The following HOOK3 variants were observed in gnomAD, a reference collection of about 807,000 sequenced individuals.
HOOK3 encodes hook microtubule tethering protein 3.
A neutral mutation model predicts 116.3 loss-of-function variants in HOOK3; 24 were observed. The ratio of observed to expected loss-of-function variants is 0.21; its 90% confidence interval spans 0.15 to 0.29. HOOK3 has a LOEUF of 0.29. Ranked by LOEUF, HOOK3 falls within the 10% of genes least tolerant of loss-of-function variation. The probability of loss-of-function intolerance (pLI) is 1.00; values close to 1 mark genes in which losing one functional copy is unlikely to be tolerated. For missense variants in HOOK3, 632 were observed against 830.2 expected (o/e 0.76, Z 2.93); for synonymous variants, 275 against 283.0 (o/e 0.97, Z 0.28).
intron 21 of HOOK3, 46 bp downstream of exon 21, chr8:43,013,446 T>TAATAA: frequency 7.1e-7 from 1 of 1,415,636 alleles, no homozygotes; most frequent in Non-Finnish European, 9.6e-7. Flanking sequence ...TCAATGAATA[T>TAATAA]GTAATACTTA....
At chr8:43,005,562 A>G (rs991976983) in intron 17 of HOOK3, among the ~76,000 whole-genome samples, 9 of 151,482 alleles carry the variant, frequency 5.9e-5, no homozygotes, top group South Asian at 4.2e-4. Flanking sequence ...AGACAATAAA[A>G]CCATCATGAA....
At chr8:42,903,905 G>A (rs1184625116) in intron 1 of HOOK3, among the ~76,000 whole-genome samples, 2 of 151,844 alleles carry the variant, frequency 1.3e-5, no homozygotes, top group African/African-American at 4.8e-5. Context: ...GCAGTGAGCC[G>A]ATATCGCGCC....
intron 10 of HOOK3, among the ~76,000 whole-genome samples, chr8:42,967,675 AC>A (rs1036742707): frequency 6.6e-5 from 10 of 151,258 alleles, no homozygotes; most frequent in African/African-American, 2.4e-4. Flanking sequence ...TCTCTCCTCA[AC>A]CCCACTATCT....
rs1341100181 is a variant in HOOK3, at chr8:42,938,914, G to C, written c.268-4399G>C. ...GTACTTGAGATTAGCGAGTGGTGATGACTCTTAACGAGCATGCTGCCTTCA... is the reference window on the plus strand; with the variant it reads ...GTACTTGAGATTAGCGAGTGGTGATCACTCTTAACGAGCATGCTGCCTTCA... On this transcript the variant is annotated intron_variant, in intron 4 of 21. Transcript: ENST00000307602. Among the ~76,000 whole-genome samples, 7 of 152,062 alleles carry C rather than the reference G, an allele frequency of 4.6e-5. No homozygotes were observed. In the East Asian group the frequency reaches 1.4e-3, roughly 29 times the overall value.
intron 11 of HOOK3, 49 bp downstream of exon 11, chr8:42,968,263 TATGA>T: frequency 7.6e-7 from 1 of 1,321,786 alleles, no homozygotes; most frequent in East Asian, 2.3e-5. Flanking sequence ...AGCTCTCAGT[TATGA>T]CATGTAGCTT....
At chr8:43,014,758 C>T (rs1213107580) in intron 21 of HOOK3, among the ~76,000 whole-genome samples, 1 of 152,136 alleles carries the variant, frequency 6.6e-6, no homozygotes, top group Admixed American at 6.5e-5. Flanking sequence ...AGGTTAGTGT[C>T]CCTGGCCTCT....
At chr8:42,954,506 A>G (rs1808400311) in intron 6 of HOOK3, among the ~76,000 whole-genome samples, 1 of 152,252 alleles carries the variant, frequency 6.6e-6, no homozygotes, top group South Asian at 2.1e-4. Flanking sequence ...GGAATATTAC[A>G]TAGTTGATAA....
intron 16 of HOOK3, chr8:43,000,267 C>T (rs1296843743): frequency 7.8e-7 from 1 of 1,286,394 alleles, no homozygotes; most frequent in African/African-American, 1.5e-5. Context: ...GGTTTCTGCT[C>T]AAGGCTATTG....
chr8:42,902,357 G>A (rs1027686568), intron 1 of HOOK3, among the ~76,000 whole-genome samples: 5 of 150,254 alleles, frequency 3.3e-5, no homozygotes, highest in African/African-American at 4.9e-5. Context: ...CTGCAGTCCC[G>A]ACCCCCCAGG....
rs1214091279 is a variant in HOOK3, at chr8:43,010,480, G to GAC, written c.1839+78_1839+79dup. On this transcript the variant is annotated intron_variant, in intron 19 of 21. Transcript: ENST00000307602. ...AGTGAAGTCTCAAATATAATGGACG[G>GAC]ACACTACAGCAACTTCTTAATGCAG... 8 of 406,288 alleles carry GAC rather than the reference G, an allele frequency of 2.0e-5. No homozygotes were observed. The Admixed American group carries it at 3.8e-4, about 19-fold the overall frequency. The allele number at this position is 406,288 out of a possible 1,614,324, so 25.2% of individuals were successfully genotyped here.
chr8:43,009,430 A>T (rs1809560910), intron 18 of HOOK3, among the ~76,000 whole-genome samples: 4 of 152,000 alleles, frequency 2.6e-5, no homozygotes. Flanking sequence ...CTATTTACAT[A>T]TAGGGAGTAT....
intron 1 of HOOK3, among the ~76,000 whole-genome samples, chr8:42,898,801 G>C: frequency 6.6e-6 from 1 of 152,272 alleles, no homozygotes; most frequent in Middle Eastern, 3.4e-3. Flanking sequence ...TGAAAATACC[G>C]TAAGTTGAAA....
intron 4 of HOOK3, among the ~76,000 whole-genome samples, chr8:42,939,444 G>C (rs1274193555): frequency 6.7e-6 from 1 of 148,382 alleles, no homozygotes; most frequent in African/African-American, 2.5e-5. Context: ...CGGGCAGAGG[G>C]GCTCCTCACT....
chr8:43,016,175 T>A (rs1809712310), intron 21 of HOOK3, among the ~76,000 whole-genome samples: 1 of 151,052 alleles, frequency 6.6e-6, no homozygotes, highest in South Asian at 2.1e-4. Flanking sequence ...TGGAGTGCAG[T>A]GGCACGATCT....
intron 6 of HOOK3, among the ~76,000 whole-genome samples, chr8:42,955,590 G>A (rs1001957493): frequency 4.6e-5 from 7 of 152,164 alleles, no homozygotes; most frequent in Non-Finnish European, 1.5e-5. Context: ...GACAATGTTA[G>A]CAGAAGAAAC....
rs1381050381 is a variant in HOOK3 at position 43,018,379 on chromosome 8, G to A, written c.2038G>A (p.Ala680Thr). 3 of 1,601,052 alleles carry A rather than the reference G, an allele frequency of 1.9e-6. No homozygotes were observed. Among genetic ancestry groups the A allele is most frequent in the Non-Finnish European group, 2.6e-6 (3 of 1,176,182 alleles). ...GCAGGGAATGACCCTGCATAAAAAG[G>A]CAGCTGAAGATAGACTGGCAAGCAC... ...YNMGMTLHKKAAEDRLASTGS... is the reference protein window; with the variant it reads ...YNMGMTLHKKTAEDRLASTGS... Residue 680 changes from alanine (A) to threonine (T), a missense_variant, in exon 22 of 22, where the codon GCA becomes ACA. Transcript: ENST00000307602.
At chr8:42,909,691 C>G (rs1807384438) in intron 2 of HOOK3, among the ~76,000 whole-genome samples, 1 of 152,158 alleles carries the variant, frequency 6.6e-6, no homozygotes, top group Non-Finnish European at 1.5e-5. Flanking sequence ...TCTTGAACTC[C>G]TGGGCTCAAG....
intron 2 of HOOK3, among the ~76,000 whole-genome samples, chr8:42,915,864 T>C (rs575318985): frequency 1.3e-5 from 2 of 152,362 alleles, no homozygotes; most frequent in Admixed American, 1.3e-4. Context: ...AGTGGTTCTT[T>C]AGTAAATCAG....
In HOOK3 at chr8:42,914,919, T is replaced by C. The variant is rs1046678635; in HGVS notation, c.143+8661T>C. 5.3e-5 allele frequency among the ~76,000 whole-genome samples: 8 copies of C among 152,290 alleles called. 1 individual carries two copies. The highest frequency in any genetic ancestry group is 1.9e-4 in the African/African-American group (8 of 41,566). ...ATCACTTGAGGTCAGGACTTCAAGA[T>C]CAGCCTGGCTAACATGGGAACCTGA... On this transcript the variant is annotated intron_variant, in intron 2 of 21. Coordinates refer to ENST00000307602, the MANE Select transcript of HOOK3 (RefSeq NM_032410.4).
Sources: allele counts gnomAD v4.1 joint callset (sites outside exome capture counted in the v4.1 genomes callset), GRCh38; gene constraint gnomAD v4.1.1; transcripts MANE v1.5; gene names NCBI Gene and HGNC (gene_info 2026-07-23, HGNC 2026-07-21).